Variants in MBNL2 observed in about 807,000 individuals in gnomAD.
The protein encoded by MBNL2 is muscleblind like splicing regulator 2, also known as muscleblind-like protein 2.
A neutral mutation model predicts 41.9 loss-of-function variants in MBNL2; 17 were observed. That is an observed-to-expected ratio of 0.41 (90% CI 0.28 to 0.61). The LOEUF is 0.61. MBNL2 is among the 20% of genes least tolerant of loss of function. The probability of loss-of-function intolerance (pLI) is 0.35; values close to 1 mark genes in which losing one functional copy is unlikely to be tolerated. For synonymous variants in MBNL2, 195 were observed against 182.9 expected (o/e 1.07, Z -0.53); for missense variants, 336 against 505.6 (o/e 0.66, Z 3.22).
chr13:97,328,125 C>A (rs1566419441), intron 2 of MBNL2, among the ~76,000 whole-genome samples: 1 of 151,546 alleles, frequency 6.6e-6, no homozygotes. Context: ...AACAGCAGCG[C>A]TGCATTTTAA....
chr13:97,367,682 G>A (rs2063971561), intron 8 of MBNL2, among the ~76,000 whole-genome samples: 1 of 152,160 alleles, frequency 6.6e-6, no homozygotes, highest in East Asian at 1.9e-4. Flanking sequence ...CCGTGACAGT[G>A]CTGACTGTGG....
In MBNL2 at chr13:97,310,869, A is replaced by C. The variant is rs569781640; in HGVS notation, c.175-23407A>C. Among the ~76,000 whole-genome samples, 3 of 151,878 alleles carry C rather than the reference A, an allele frequency of 2.0e-5. No homozygotes were observed. The South Asian group carries it at 6.3e-4, about 32-fold the overall frequency. On this transcript the variant is annotated intron_variant, in intron 2 of 8. Coordinates refer to ENST00000679496, the MANE Select transcript of MBNL2 (RefSeq NM_001382683.1). ...AACATATTACCGGTCACCTGAGATG[A>C]ACTCTTTATTAGATAGAACTTTAGC...
At chr13:97,253,002 G>A (rs1055222967) in intron 1 of MBNL2, among the ~76,000 whole-genome samples, 1 of 152,150 alleles carries the variant, frequency 6.6e-6, no homozygotes, top group Admixed American at 6.5e-5. Flanking sequence ...TTGTGAATAT[G>A]AGTTTCCCAC....
At position 97,366,589 on chromosome 13, in the gene MBNL2, A is replaced by G; in HGVS notation, c.1048+1418A>G. The G allele has an allele frequency of 7.5e-7, 1 of 1,340,966 alleles. No individual in the cohort carries two copies. Among genetic ancestry groups the G allele is most frequent in the Non-Finnish European group, 1.1e-6 (1 of 935,638 alleles). The allele number at this position is 1,340,966 out of a possible 1,614,324, so 83.1% of individuals were successfully genotyped here. A position where few individuals can be genotyped will look rare whatever the true frequency, so the allele number is the denominator to read the frequency against. On this transcript the variant is annotated intron_variant, in intron 8 of 8. Transcript: ENST00000679496. This position sits in a 1 kb window ranked among gnomAD's most constrained non-coding sequence, Gnocchi z 4.7. ...TTTAAAGCTTTCTTTCACAAATCCC[A>G]AACTCTAAATGAGTGCTGATATTTA... is the stretch of plus-strand genomic sequence containing the variant.
intron 1 of MBNL2, among the ~76,000 whole-genome samples, chr13:97,230,948 G>GA (rs1253234603): frequency 6.6e-6 from 1 of 152,184 alleles, no homozygotes; most frequent in Non-Finnish European, 1.5e-5. Flanking sequence ...CTAATAAGCA[G>GA]AGAGAGTATT....
intron 1 of MBNL2, among the ~76,000 whole-genome samples, chr13:97,272,014 A>G (rs1871103944): frequency 6.6e-6 from 1 of 152,190 alleles, no homozygotes. Context: ...GTCTTCCACA[A>G]TGGTTGAACT....
At chr13:97,211,413 T>C in the MBNL2 span, among the ~76,000 whole-genome samples, 3 of 152,000 alleles carry the variant, frequency 2.0e-5, no homozygotes, top group African/African-American at 7.3e-5. Flanking sequence ...AAAACTGGAG[T>C]AGAAAAAGCA....
the MBNL2 span, among the ~76,000 whole-genome samples, chr13:97,184,994 T>C: frequency 6.6e-6 from 1 of 152,228 alleles, no homozygotes; most frequent in Non-Finnish European, 1.5e-5. Flanking sequence ...ACAACAATTA[T>C]TCATTTTACA....
At chr13:97,300,286 T>G (rs1041057878) in intron 2 of MBNL2, among the ~76,000 whole-genome samples, 1 of 152,112 alleles carries the variant, frequency 6.6e-6, no homozygotes, top group Non-Finnish European at 1.5e-5. Flanking sequence ...TCAATGACAG[T>G]GAAAGTAACA....
At chr13:97,283,046 A>G (rs927074614) in intron 2 of MBNL2, among the ~76,000 whole-genome samples, 9 of 152,124 alleles carry the variant, frequency 5.9e-5, no homozygotes, top group Non-Finnish European at 5.9e-5. Flanking sequence ...TCTCCGTTTC[A>G]TTTTGCAGAT....
At chr13:97,191,590 C>A in the MBNL2 span, among the ~76,000 whole-genome samples, 1 of 151,992 alleles carries the variant, frequency 6.6e-6, no homozygotes, top group African/African-American at 2.4e-5. Context: ...CCTCTCCATG[C>A]CTATTTGATG....
chr13:97,149,192 G>A, the MBNL2 span, among the ~76,000 whole-genome samples: 35 of 152,284 alleles, frequency 2.3e-4, no homozygotes, highest in Admixed American at 5.9e-4. Flanking sequence ...TTACGGAAGC[G>A]TAACATTATG....
chr13:97,328,846 T>G (rs2060134809), intron 2 of MBNL2, among the ~76,000 whole-genome samples: 1 of 152,222 alleles, frequency 6.6e-6, no homozygotes. Context: ...TTTAATTGAT[T>G]TTTTTTCAAT....
At chr13:97,152,297 A>T in the MBNL2 span, among the ~76,000 whole-genome samples, 2 of 152,152 alleles carry the variant, frequency 1.3e-5, no homozygotes, top group Admixed American at 6.6e-5. Context: ...AAATATTTTT[A>T]AAATGTGGTG....
chr13:97,163,430 A>ACAG, the MBNL2 span, among the ~76,000 whole-genome samples: 15,703 of 152,098 alleles, frequency 0.1, 910 homozygotes, highest in South Asian at 0.16. Flanking sequence ...TGGTCCAGGC[A>ACAG]CACTCCTCAG....
Position 97,374,293 on chromosome 13 carries a change from G to A in MBNL2, c.1048+9122G>A, listed in dbSNP as rs1408680021. 2.7e-5 allele frequency among the ~76,000 whole-genome samples: 4 copies of A among 150,676 alleles called. No individual in the cohort carries two copies. In the East Asian group the frequency reaches 7.8e-4, roughly 29 times the overall value. ...CTCCCGAGTAGCTGGGACTACAGGC[G>A]CCCGCCACTACGCCCAGCTAATTTT... On this transcript the variant is annotated intron_variant, in intron 8 of 8. Coordinates refer to ENST00000679496, the MANE Select transcript of MBNL2 (RefSeq NM_001382683.1).
At chr13:97,234,532 G>A (rs2042936819) in intron 1 of MBNL2, among the ~76,000 whole-genome samples, 1 of 152,144 alleles carries the variant, frequency 6.6e-6, no homozygotes, top group South Asian at 2.1e-4. Flanking sequence ...AAGGTAAAGT[G>A]TGGCGGGACA....
the MBNL2 span, among the ~76,000 whole-genome samples, chr13:97,159,082 G>T: frequency 1.3e-5 from 2 of 152,010 alleles, no homozygotes; most frequent in Non-Finnish European, 2.9e-5. Context: ...GGGTGCTCCT[G>T]TATTGGGTGC....
chr13:97,213,703 A>G, the MBNL2 span, among the ~76,000 whole-genome samples: 1 of 152,216 alleles, frequency 6.6e-6, no homozygotes, highest in Non-Finnish European at 1.5e-5. Context: ...AACATGTAGC[A>G]AGTCACGTGA....
Sources: allele counts gnomAD v4.1 joint callset (sites outside exome capture counted in the v4.1 genomes callset), GRCh38; gene constraint gnomAD v4.1.1; non-coding constraint Gnocchi (gnomAD v3.1); transcripts MANE v1.5; gene names NCBI Gene and HGNC (gene_info 2026-07-23, HGNC 2026-07-21).